AGL: variants seen among roughly 807,000 people sequenced by gnomAD.
AGL encodes amylo-alpha-1,6-glucosidase and 4-alpha-glucanotransferase.
A neutral mutation model predicts 199.3 loss-of-function variants in AGL; 128 were observed. The ratio of observed to expected loss-of-function variants is 0.64; its 90% confidence interval spans 0.56 to 0.74. The LOEUF is 0.74. AGL is among the 30% of genes least tolerant of loss of function. The pLI is 0.00. For missense variants in AGL, 1,809 were observed against 1,820.8 expected, an observed-to-expected ratio of 0.99 and a Z score of 0.12; for synonymous variants, 584 against 594.7, an observed-to-expected ratio of 0.98 and a Z score of 0.26.
In AGL at chr1:99,921,538, C is replaced by T. The variant is rs753348029; in HGVS notation, c.4486C>T (p.Pro1496Ser). Reference sequence around the variant, plus strand: ...AATGTCTTTTCTTTCATTCAGATCCCCTTGGAAAGGACTTCCAGAACTGAC... The same window carrying T: ...AATGTCTTTTCTTTCATTCAGATCCTCTTGGAAAGGACTTCCAGAACTGAC... ...SRHYVHLERSPWKGLPELTNE... is the reference protein window; with the variant it reads ...SRHYVHLERSSWKGLPELTNE... The change falls in exon 34 of 34, where the codon CCT (proline) becomes TCT (serine). Residue 1496 changes from proline to serine, a missense_variant. Physicochemically the swap from Pro to Ser is moderately conservative, Grantham distance 74. Coordinates refer to ENST00000361915, the MANE Select transcript of AGL (RefSeq NM_000642.3). The T allele has an allele frequency of 6.8e-6, 11 of 1,606,144 alleles. No homozygotes were observed. The East Asian group carries it at 1.6e-4, about 23-fold the overall frequency.
intron 17 of AGL, 125 bp downstream of exon 17, chr1:99,881,816 A>C (rs564343471): frequency 2.1e-6 from 2 of 972,140 alleles, no homozygotes; most frequent in South Asian, 4.3e-5. Flanking sequence ...CTGTGGACGT[A>C]CTTGAGAAAA....
rs886042149 is a variant in AGL, at chr1:99,913,701, A to G, written c.4124A>G (p.Tyr1375Cys). Residue 1375 changes from tyrosine to cysteine, a missense_variant, in exon 30 of 34, where the codon TAT (tyrosine) becomes TGT (cysteine). Coordinates refer to ENST00000361915, the MANE Select transcript of AGL (RefSeq NM_000642.3). Reference protein sequence around the residue: ...SYGASSPWCDYQLRPNFTIAM... With the variant: ...SYGASSPWCDCQLRPNFTIAM... ...GGAGCTTCAAGTCCTTGGTGTGACTATCAGCTCAGGCCTAATTTTACCATA... is the reference window on the plus strand; with the variant it reads ...GGAGCTTCAAGTCCTTGGTGTGACTGTCAGCTCAGGCCTAATTTTACCATA... 15 of 1,614,016 alleles carry G rather than the reference A, an allele frequency of 9.3e-6. No homozygotes were observed. Among genetic ancestry groups the G allele is most frequent in the Admixed American group, 5.0e-5 (3 of 60,000 alleles).
intron 24 of AGL, among the ~76,000 whole-genome samples, chr1:99,894,552 CATAA>C (rs941773465): frequency 1.1e-4 from 16 of 152,234 alleles, no homozygotes; most frequent in African/African-American, 3.1e-4. Context: ...CCATATTAAT[CATAA>C]ATAAATAATA....
intron 22 of AGL, 78 bp from the exon 23 acceptor site, chr1:99,891,528 C>T (rs1652900605): frequency 6.4e-7 from 1 of 1,557,016 alleles, no homozygotes; most frequent in African/African-American, 1.4e-5. Flanking sequence ...GATAAAGTTG[C>T]ACATTTAGAT....
chr1:99,857,568 A>G lies in AGL; in HGVS notation c.83-3935A>G, dbSNP rs532496352. 7.3e-3 allele frequency among the ~76,000 whole-genome samples: 1,111 copies of G among 151,938 alleles called. 8 individuals carry two copies. Among genetic ancestry groups the G allele is most frequent in the Non-Finnish European group, 0.011 (759 of 67,922 alleles). ...ACTCCGTCTGCAATCCCGGCACCTC[A>G]GGAGGCCGAGGCTGGTGGATCACTC... On this transcript the variant is annotated intron_variant, in intron 2 of 33. Transcript: ENST00000361915.
chr1:99,898,156 T>C lies in AGL; in HGVS notation c.3362+1768T>C, dbSNP rs567693263. Among the ~76,000 whole-genome samples, 270 of 151,968 alleles carry C rather than the reference T, an allele frequency of 1.8e-3. 2 individuals are homozygous for C. Among genetic ancestry groups the C allele is most frequent in the Non-Finnish European group, 3.1e-3 (209 of 67,918 alleles). On this transcript the variant is annotated intron_variant, in intron 25 of 33. Transcript: ENST00000361915. ...CCGCCTCCCGGGTTCATGCCATTCT[T>C]CTGCCTCAGCCTCCTGAGTAGCTGG...
chr1:99,916,557 G>T (rs1390956712), intron 32 of AGL, 41 bp from the exon 33 acceptor site: 2 of 1,607,948 alleles, frequency 1.2e-6, no homozygotes, highest in Admixed American at 1.7e-5. Context: ...TAATTTTTAG[G>T]TATTTATGGT....
At chr1:99,891,387 A>G in intron 22 of AGL, 31 bp downstream of exon 22, 2 of 1,611,306 alleles carry the variant, frequency 1.2e-6, no homozygotes, top group Non-Finnish European at 1.7e-6. Context: ...GTCCCAAAAA[A>G]TCAAGGACAT....
chr1:99,884,533 C>T (rs767915708), intron 19 of AGL, 36 bp from the exon 20 acceptor site: 2 of 1,609,396 alleles, frequency 1.2e-6, no homozygotes, highest in African/African-American at 1.3e-5. Context: ...ATAAATTACT[C>T]CTAAAAATTA....
chr1:99,910,712 G>A lies in AGL; in HGVS notation c.3701G>A (p.Gly1234Asp). 6.3e-7 allele frequency: 1 copy of A among 1,588,062 alleles called. No homozygotes were observed. The highest frequency in any genetic ancestry group is 2.3e-5 in the East Asian group (1 of 44,074). ...PQIDRNMKDE[G>D]FNITAGVDEE... ...ATTTTATACACATTTTGTTTTTTAG[G>A]TTTTAATATAACTGCAGGAGTTGAT... Residue 1234 changes from glycine (G) to aspartate (D), a missense_variant and splice_region_variant, in exon 28 of 34, where the codon GGT (glycine) becomes GAT (aspartate). Transcript: ENST00000361915.
intron 10 of AGL, among the ~76,000 whole-genome samples, chr1:99,875,949 A>G (rs1344790812): frequency 1.3e-5 from 2 of 152,282 alleles, no homozygotes; most frequent in East Asian, 3.9e-4. Context: ...ATCTCAGCTC[A>G]TTGCAACCTC....
chr1:99,870,622 A>C (rs754816772), intron 6 of AGL, 41 bp downstream of exon 6: 3 of 1,605,064 alleles, frequency 1.9e-6, no homozygotes, highest in Non-Finnish European at 2.6e-6. Flanking sequence ...AACAGAAAAA[A>C]TTTCTAAAGC....
In AGL at chr1:99,913,824, C is replaced by T. The variant is rs1486177881; in HGVS notation, c.4161+86C>T. On this transcript the variant is annotated intron_variant, in intron 30 of 33. Coordinates refer to ENST00000361915, the MANE Select transcript of AGL (RefSeq NM_000642.3). ...TTATTCCCATTTGTTTTCAAATTCA[C>T]TTCATTGCTAAAAAGTAGTATATTG... 7 of 1,308,232 alleles carry T rather than the reference C, an allele frequency of 5.4e-6. No homozygotes were observed. In the Admixed American group the frequency reaches 1.2e-4, roughly 22 times the overall value. 81.0% of individuals were successfully genotyped at this position (1,308,232 alleles called of 1,614,324 possible). A position where few individuals can be genotyped will look rare whatever the true frequency, so the allele number is the denominator to read the frequency against.
At chr1:99,871,495 A>G (rs767652625) in intron 7 of AGL, among the ~76,000 whole-genome samples, 26 of 150,624 alleles carry the variant, frequency 1.7e-4, no homozygotes, top group Non-Finnish European at 3.4e-4. Flanking sequence ...AGAAAGGATT[A>G]TTAAGAGTCT....
At chr1:99,879,260 A>G (rs1651812671) in intron 12 of AGL, among the ~76,000 whole-genome samples, 1 of 152,132 alleles carries the variant, frequency 6.6e-6, no homozygotes, top group South Asian at 2.1e-4. Flanking sequence ...TTAGTCAACC[A>G]CCTGGAAATT....
At chr1:99,868,887 C>T (rs1405671556) in intron 5 of AGL, among the ~76,000 whole-genome samples, 1 of 149,992 alleles carries the variant, frequency 6.7e-6, no homozygotes, top group African/African-American at 2.5e-5. Context: ...TGCAGTGGCA[C>T]AATCTCAGTT....
chr1:99,911,792 G>A (rs538663774), intron 28 of AGL, among the ~76,000 whole-genome samples: 1 of 152,192 alleles, frequency 6.6e-6, no homozygotes, highest in African/African-American at 2.4e-5. Context: ...AAATAGTTGT[G>A]TACTGGGTGT....
intron 26 of AGL, 148 bp from the exon 27 acceptor site, chr1:99,902,535 A>T (rs751653923): frequency 1.2e-5 from 8 of 654,414 alleles, no homozygotes; most frequent in Non-Finnish European, 2.3e-5. Flanking sequence ...GGTATATAGG[A>T]GCTGCTTCTT....
At chr1:99,849,791 A>G (rs959526089), upstream of AGL, among the ~76,000 whole-genome samples, 2 of 152,278 alleles carry the variant, frequency 1.3e-5, no homozygotes, top group Non-Finnish European at 2.9e-5. Flanking sequence ...AAAAGACACC[A>G]GAAGCCAGGT....
Sources: gnomAD v4.1 joint callset for allele counts (sites outside exome capture counted in the v4.1 genomes callset) on GRCh38, gnomAD v4.1.1 for gene constraint, MANE v1.5 for transcripts, NCBI Gene and HGNC (gene_info 2026-07-23, HGNC 2026-07-21) for gene names.